PDPR: variants seen among roughly 807,000 people sequenced by gnomAD.
PDPR encodes pyruvate dehydrogenase phosphatase regulatory subunit, also known as pyruvate dehydrogenase phosphatase regulatory subunit, mitochondrial.
PDPR carries 50 observed loss-of-function variants against 102.2 expected under a neutral mutation model. The observed-to-expected ratio is 0.49, with a 90% CI of 0.39 to 0.62. The LOEUF (loss-of-function observed/expected upper bound fraction) is 0.62. PDPR is among the 20% of genes least tolerant of loss of function. The pLI, the probability that PDPR is intolerant of heterozygous loss-of-function variation, is 0.00. For synonymous variants in PDPR, 259 were observed against 406.0 expected (o/e 0.64, Z 4.35); for missense variants, 625 against 1,098.2 (o/e 0.57, Z 6.09).
rs151206219 is a variant in PDPR, at chr16:70,156,495, C to T, written c.2256C>T (p.Arg752=). ...KLEKGMDFIG[R]DALLQQKQNG... is the part of the protein sequence containing the mutation. ...CTTAGGGCATGGATTTCATTGGTCG[C>T]GACGCCCTCCTGCAGCAGAAGCAGA... Residue 752 remains arginine (R), a synonymous_variant, in exon 19 of 19, where the codon CGC becomes CGT. Transcript: ENST00000288050. 376 of 1,613,672 alleles carry T rather than the reference C, an allele frequency of 2.3e-4. No individual in the cohort carries two copies. In the African/African-American group the frequency reaches 3.6e-3, roughly 16 times the overall value.
At chr16:70,135,505 G>A (rs1411246878) in intron 9 of PDPR, among the ~76,000 whole-genome samples, 27 of 152,362 alleles carry the variant, frequency 1.8e-4, no homozygotes, top group African/African-American at 5.3e-4. Flanking sequence ...CCAAAGTGCC[G>A]GGGTTACAAA....
At chr16:70,127,181 A>G in intron 3 of PDPR, 79 bp from the exon 4 acceptor site, 5 of 1,545,362 alleles carry the variant, frequency 3.2e-6, no homozygotes, top group South Asian at 1.3e-5. Flanking sequence ...TGTTAGAAAC[A>G]GTATTAAATG....
At position 70,157,610 on chromosome 16, in the gene PDPR, C is replaced by A. The variant is rs1466952327; in HGVS notation, c.*731C>A. On this transcript the variant is annotated 3_prime_UTR_variant, in exon 19 of 19. Transcript: ENST00000288050. ...AATCTCTATAATAAGGTTGCTTTTTCTTTCTTAGTTGAGTAAACAAGTAAG... is the reference window on the plus strand; with the variant it reads ...AATCTCTATAATAAGGTTGCTTTTTATTTCTTAGTTGAGTAAACAAGTAAG... 1 of 175,914 alleles carries A rather than the reference C, an allele frequency of 5.7e-6. No homozygotes were observed. The highest frequency in any genetic ancestry group is 1.2e-5 in the Non-Finnish European group (1 of 82,250). 10.9% of individuals were successfully genotyped at this position (175,914 alleles called of 1,614,324 possible). A position where few individuals can be genotyped will look rare whatever the true frequency, so the allele number is the denominator to read the frequency against.
At chr16:70,134,282 G>A (rs1327308162) in intron 9 of PDPR, among the ~76,000 whole-genome samples, 1 of 151,980 alleles carries the variant, frequency 6.6e-6, no homozygotes, top group Non-Finnish European at 1.5e-5. Context: ...CTGGAGTGCA[G>A]TGGTGCGATC....
chr16:70,149,981 G>A (rs923572767), intron 17 of PDPR, among the ~76,000 whole-genome samples: 27 of 152,154 alleles, frequency 1.8e-4, no homozygotes, highest in African/African-American at 6.0e-4. Flanking sequence ...TCATAGAGAC[G>A]GGGTTTCACC....
rs760409749 is a variant in PDPR, at chr16:70,157,136, G to T, written c.*257G>T. ...ACCCCTCACTCAGCTTCTCGTGGTG[G>T]CAGGAGGTATGTCTGACAGGACAGA... On this transcript the variant is annotated 3_prime_UTR_variant, in exon 19 of 19. Coordinates refer to ENST00000288050, the MANE Select transcript of PDPR (RefSeq NM_017990.5). 7.4e-6 allele frequency: 5 copies of T among 671,382 alleles called. No individual in the cohort carries two copies. The highest frequency in any genetic ancestry group is 5.3e-5 in the African/African-American group (3 of 56,558). 41.6% of individuals were successfully genotyped at this position (671,382 alleles called of 1,614,324 possible).
At chr16:70,145,297 C>T (rs532014724) in intron 15 of PDPR, among the ~76,000 whole-genome samples, 119 of 152,226 alleles carry the variant, frequency 7.8e-4, no homozygotes, top group African/African-American at 2.3e-3. Flanking sequence ...GCCACCACGC[C>T]GGGCTAATTT....
Position 70,153,505 on chromosome 16 carries a change from G to T in PDPR, c.2167G>T (p.Gly723Cys). The T allele has an allele frequency of 7.4e-6, 12 of 1,612,854 alleles. No homozygotes were observed. The highest frequency in any genetic ancestry group is 1.0e-5 in the Non-Finnish European group (12 of 1,179,504). Residue 723 changes from glycine (G) to cysteine (C), a missense_variant, in exon 18 of 19, where the codon GGT becomes TGT. Coordinates refer to ENST00000288050, the MANE Select transcript of PDPR (RefSeq NM_017990.5). ...AATTGAGAAGTTTTTTGCCTTCTGG[G>T]GTCAGGATATAAATAACCTCACCAC... ...LRIEKFFAFW[G>C]QDINNLTTPL...
At chr16:70,139,952 G>A (rs1333653995) in intron 11 of PDPR, among the ~76,000 whole-genome samples, 9 of 152,246 alleles carry the variant, frequency 5.9e-5, no homozygotes, top group African/African-American at 2.2e-4. Context: ...TTTGGCCTGG[G>A]AAGAGGATGT....
chr16:70,139,283 C>T (rs1965479220), intron 11 of PDPR, among the ~76,000 whole-genome samples: 1 of 152,222 alleles, frequency 6.6e-6, no homozygotes, highest in Non-Finnish European at 1.5e-5. Flanking sequence ...TACATAGCAG[C>T]TTCATAAATA....
At chr16:70,129,600 C>T (rs1488401103) in intron 6 of PDPR, among the ~76,000 whole-genome samples, 4 of 152,268 alleles carry the variant, frequency 2.6e-5, no homozygotes, top group Non-Finnish European at 5.9e-5. Flanking sequence ...CCACCTGCCT[C>T]GGCCTCCCTA....
intron 2 of PDPR, among the ~76,000 whole-genome samples, chr16:70,115,758 A>T (rs1171428533): frequency 6.6e-6 from 1 of 152,060 alleles, no homozygotes; most frequent in South Asian, 2.1e-4. Flanking sequence ...AGCAGAAGTT[A>T]TTCTTCTTAG....
At chr16:70,154,656 A>T (rs1251876339) in intron 18 of PDPR, among the ~76,000 whole-genome samples, 1 of 152,090 alleles carries the variant, frequency 6.6e-6, no homozygotes, top group Non-Finnish European at 1.5e-5. Context: ...TTTGTTTTTG[A>T]TTTTGAGGTG....
intron 2 of PDPR, among the ~76,000 whole-genome samples, chr16:70,115,692 G>C (rs1358099780): frequency 1.3e-5 from 2 of 152,140 alleles, no homozygotes; most frequent in Admixed American, 6.5e-5. Flanking sequence ...CTAGCACCTT[G>C]GTCTTGTTGG....
intron 17 of PDPR, 57 bp downstream of exon 17, chr16:70,148,610 C>T: frequency 9.5e-7 from 1 of 1,056,100 alleles, no homozygotes; most frequent in South Asian, 1.4e-5. Context: ...CCCTTCCCTT[C>T]CCTTCCCACA....
At chr16:70,144,200 A>AC (rs1388122013) in intron 14 of PDPR, among the ~76,000 whole-genome samples, 97 of 150,082 alleles carry the variant, frequency 6.5e-4, no homozygotes, top group Admixed American at 1.7e-3. Context: ...CGATGTCTTA[A>AC]CGTTAGTAAA....
intron 2 of PDPR, among the ~76,000 whole-genome samples, 186 bp downstream of exon 2, chr16:70,115,116 CTTTTTTCTTT>C (rs898119713): frequency 2.0e-5 from 3 of 151,984 alleles, no homozygotes; most frequent in African/African-American, 4.8e-5. Context: ...GTGTTAATTT[CTTTTTTCTTT>C]TTTTTTCTTT....
At chr16:70,126,517 C>T (rs1435913738) in intron 3 of PDPR, among the ~76,000 whole-genome samples, 2 of 152,266 alleles carry the variant, frequency 1.3e-5, no homozygotes, top group African/African-American at 2.4e-5. Context: ...GCGCCTGCCA[C>T]AATGCCTGGC....
intron 15 of PDPR, among the ~76,000 whole-genome samples, chr16:70,145,103 AT>A (rs1321939258): frequency 1.3e-5 from 2 of 152,180 alleles, no homozygotes; most frequent in East Asian, 3.9e-4. Context: ...AAATACAAAA[AT>A]TAGCTGGACA....
Sources: gnomAD v4.1 joint callset for allele counts (sites outside exome capture counted in the v4.1 genomes callset) on GRCh38, gnomAD v4.1.1 for gene constraint, MANE v1.5 for transcripts, NCBI Gene and HGNC (gene_info 2026-07-23, HGNC 2026-07-21) for gene names.